Variants in C1orf21 observed in about 807,000 individuals in gnomAD.
C1orf21 encodes chromosome 1 open reading frame 21.
A neutral mutation model predicts 18.7 loss-of-function variants in C1orf21; 3 were observed. That is an observed-to-expected ratio of 0.16 (90% CI 0.07 to 0.42). The LOEUF is 0.42. Ranked by LOEUF, C1orf21 falls within the 10% of genes least tolerant of loss-of-function variation. C1orf21 has a pLI of 0.99. For synonymous variants in C1orf21, 41 were observed against 46.4 expected, an observed-to-expected ratio of 0.88 and a Z score of 0.47; for missense variants, 104 against 143.6, an observed-to-expected ratio of 0.72 and a Z score of 1.41.
chr1:184,549,365 G>T (rs1187887449), intron 3 of C1orf21, among the ~76,000 whole-genome samples: 1 of 152,150 alleles, frequency 6.6e-6, no homozygotes, highest in Non-Finnish European at 1.5e-5. Context: ...GAATCATTAA[G>T]AAATCACCCG....
intron 1 of C1orf21, among the ~76,000 whole-genome samples, chr1:184,465,995 T>G (rs1215235060): frequency 6.6e-6 from 1 of 152,216 alleles, no homozygotes; most frequent in South Asian, 2.1e-4. Context: ...TGTTGTCTAG[T>G]TCTGAGCTTG....
intron 1 of C1orf21, among the ~76,000 whole-genome samples, chr1:184,444,183 C>T (rs187581468): frequency 6.6e-6 from 1 of 152,254 alleles, no homozygotes; most frequent in East Asian, 1.9e-4. Context: ...CTCTTATCCC[C>T]AGCTTTGTAC....
At chr1:184,601,549 A>G (rs1659584562) in intron 5 of C1orf21, among the ~76,000 whole-genome samples, 1 of 152,220 alleles carries the variant, frequency 6.6e-6, no homozygotes, top group Non-Finnish European at 1.5e-5. Context: ...ACAGCTGAAC[A>G]AGTGGTTTTC....
At position 184,622,595 on chromosome 1, in the gene C1orf21, G is replaced by A. The variant is rs1659941661; in HGVS notation, c.*3039G>A. 6.6e-6 allele frequency: 1 copy of A among 152,670 alleles called. No homozygotes were observed. The highest frequency in any genetic ancestry group is 2.4e-5 in the African/African-American group (1 of 41,442). 9.5% of individuals were successfully genotyped at this position (152,670 alleles called of 1,614,324 possible). On this transcript the variant is annotated 3_prime_UTR_variant, in exon 6 of 6. Coordinates refer to ENST00000235307, the MANE Select transcript of C1orf21 (RefSeq NM_030806.4). ...CCCAGGCTTGCAGAGAACACAGAGT[G>A]GTGTTGTGGTCTATTTAGGGACAAA...
intron 1 of C1orf21, among the ~76,000 whole-genome samples, chr1:184,410,657 A>ATTT (rs1288267403): frequency 1.7e-4 from 1 of 5,976 alleles, no homozygotes; most frequent in Non-Finnish European, 2.4e-4. Flanking sequence ...ATATATATAT[A>ATTT]TATATATTTT....
chr1:184,459,023 C>T (rs559186644), intron 1 of C1orf21, among the ~76,000 whole-genome samples: 4 of 152,218 alleles, frequency 2.6e-5, no homozygotes, highest in Admixed American at 2.0e-4. Context: ...TCTACTTAAA[C>T]GTTATTTAAC....
intron 1 of C1orf21, among the ~76,000 whole-genome samples, chr1:184,461,213 C>T (rs1414949520): frequency 2.0e-5 from 3 of 152,220 alleles, no homozygotes; most frequent in Non-Finnish European, 1.5e-5. Flanking sequence ...CTGATGCCTC[C>T]ACACACTCTG....
At chr1:184,555,180 T>C (rs1658861007) in intron 3 of C1orf21, among the ~76,000 whole-genome samples, 2 of 152,242 alleles carry the variant, frequency 1.3e-5, no homozygotes, top group African/African-American at 2.4e-5. Flanking sequence ...CTCATTTTCA[T>C]TTGTATGGAA....
intron 2 of C1orf21, among the ~76,000 whole-genome samples, chr1:184,495,443 T>C (rs1657877655): frequency 6.6e-6 from 1 of 152,222 alleles, no homozygotes; most frequent in Non-Finnish European, 1.5e-5. Flanking sequence ...TAGATCTCTG[T>C]GGAGGTCAAA....
intron 1 of C1orf21, among the ~76,000 whole-genome samples, chr1:184,470,373 A>AT (rs1191318597): frequency 6.6e-6 from 1 of 151,998 alleles, no homozygotes; most frequent in Non-Finnish European, 1.5e-5. Context: ...GTCCAGAAAA[A>AT]AAAGGGGGAA....
intron 5 of C1orf21, among the ~76,000 whole-genome samples, chr1:184,616,328 T>G (rs1399615544): frequency 6.6e-6 from 1 of 152,248 alleles, no homozygotes; most frequent in African/African-American, 2.4e-5. Context: ...CCTGTGGGCT[T>G]GCGCTTCTCT....
chr1:184,483,012 A>T (rs930329842), intron 2 of C1orf21, among the ~76,000 whole-genome samples: 3 of 152,234 alleles, frequency 2.0e-5, no homozygotes, highest in Non-Finnish European at 4.4e-5. Context: ...ATTGACAAGG[A>T]ACTTCACCAG....
intron 3 of C1orf21, among the ~76,000 whole-genome samples, chr1:184,581,105 C>T (rs576546607): frequency 6.6e-6 from 1 of 152,250 alleles, no homozygotes; most frequent in Admixed American, 6.5e-5. Context: ...GCAGCCTGTG[C>T]TGGTCGTGTA....
chr1:184,402,312 T>C (rs1656169771), intron 1 of C1orf21, among the ~76,000 whole-genome samples: 1 of 152,128 alleles, frequency 6.6e-6, no homozygotes, highest in African/African-American at 2.4e-5. Context: ...TGTTGTATGG[T>C]ATGGAGAATG....
At chr1:184,596,297 C>T (rs1659512063) in intron 4 of C1orf21, among the ~76,000 whole-genome samples, 1 of 152,178 alleles carries the variant, frequency 6.6e-6, no homozygotes, top group African/African-American at 2.4e-5. Flanking sequence ...GACTCAGGCC[C>T]TGCACATCAC....
chr1:184,452,634 T>G (rs779527204), intron 1 of C1orf21, among the ~76,000 whole-genome samples: 3 of 152,232 alleles, frequency 2.0e-5, no homozygotes, highest in Non-Finnish European at 2.9e-5. Context: ...ATCTGTGTGG[T>G]CAATGGCTCA....
chr1:184,572,437 C>T (rs936840335), intron 3 of C1orf21, among the ~76,000 whole-genome samples: 38 of 152,182 alleles, frequency 2.5e-4, no homozygotes, highest in African/African-American at 8.4e-4. Flanking sequence ...TGGAAAATGA[C>T]TGTTAGACAG....
intron 2 of C1orf21, among the ~76,000 whole-genome samples, chr1:184,500,214 G>C (rs759218968): frequency 1.4e-4 from 21 of 152,236 alleles, no homozygotes; most frequent in South Asian, 8.3e-4. Flanking sequence ...ATTTGGATCT[G>C]GTTGTGTCTT....
At chr1:184,490,578 G>A (rs987467038) in intron 2 of C1orf21, among the ~76,000 whole-genome samples, 4 of 152,006 alleles carry the variant, frequency 2.6e-5, no homozygotes, top group South Asian at 2.1e-4. Context: ...TCACATTAAC[G>A]GCAGGAGTCT....
Sources: gnomAD v4.1 joint callset for allele counts (sites outside exome capture counted in the v4.1 genomes callset) on GRCh38, gnomAD v4.1.1 for gene constraint, MANE v1.5 for transcripts, NCBI Gene and HGNC (gene_info 2026-07-23, HGNC 2026-07-21) for gene names.